The following GSDMC variants were observed in gnomAD, a reference collection of about 807,000 sequenced individuals.
GSDMC encodes the protein gasdermin-C.
In GSDMC, 59 loss-of-function variants were observed where a neutral mutation model predicts 58.0. The observed-to-expected ratio is 1.02, with a 90% CI of 0.82 to 1.26. The LOEUF (loss-of-function observed/expected upper bound fraction) is 1.26, where lower values mean the gene tolerates loss of function less well. GSDMC is among the 50% of genes most tolerant of loss of function. The probability of loss-of-function intolerance (pLI) is 0.00; values close to 1 mark genes in which losing one functional copy is unlikely to be tolerated. For synonymous variants in GSDMC, 241 were observed against 220.2 expected, an observed-to-expected ratio of 1.09 and a Z score of -0.83; for missense variants, 659 against 598.5, an observed-to-expected ratio of 1.10 and a Z score of -1.06.
chr8:129,751,604 AT>A, intron 9 of GSDMC, 36 bp from the exon 10 acceptor site: 1 of 1,601,984 alleles, frequency 6.2e-7, no homozygotes, highest in Non-Finnish European at 8.5e-7. Flanking sequence ...TCACTTCCTC[AT>A]CCCCCCAAAT....
At chr8:129,774,091 A>T (rs982690194) in intron 3 of GSDMC, among the ~76,000 whole-genome samples, 5 of 152,230 alleles carry the variant, frequency 3.3e-5, no homozygotes, top group African/African-American at 4.8e-5. Context: ...GACCCAGAAT[A>T]GCTAAAGCAA....
chr8:129,773,522 C>A (rs533016819), intron 3 of GSDMC, among the ~76,000 whole-genome samples: 77 of 152,270 alleles, frequency 5.1e-4, no homozygotes, highest in African/African-American at 1.7e-3. Context: ...TGGTGGCTCT[C>A]ACCTGTAATT....
At chr8:129,741,998 T>C in the GSDMC span, among the ~76,000 whole-genome samples, 2 of 150,432 alleles carry the variant, frequency 1.3e-5, no homozygotes, top group East Asian at 3.9e-4. Context: ...ACAACACAGA[T>C]GAATGTGGAG....
At chr8:129,709,590 T>TGATAGCTAGATA in the GSDMC span, among the ~76,000 whole-genome samples, 57 of 146,148 alleles carry the variant, frequency 3.9e-4, no homozygotes, top group Admixed American at 1.4e-3. Context: ...GATAGATAGA[T>TGATAGCTAGATA]GATAGATAGA....
chr8:129,734,310 G>A, the GSDMC span, among the ~76,000 whole-genome samples: 3 of 151,994 alleles, frequency 2.0e-5, no homozygotes, highest in African/African-American at 4.8e-5. Context: ...ACTGAAATTC[G>A]GGAAATACAG....
chr8:129,730,160 G>A, the GSDMC span: 2 of 1,048,264 alleles, frequency 1.9e-6, no homozygotes, highest in Non-Finnish European at 2.7e-6. Context: ...ATAAAGAGCT[G>A]GCTATGAAAA....
At chr8:129,716,460 CT>C in the GSDMC span, among the ~76,000 whole-genome samples, 1,475 of 152,240 alleles carry the variant, frequency 9.7e-3, 31 homozygotes, top group African/African-American at 0.033. Context: ...TTTTTGCACA[CT>C]GATTTTGTAT....
intron 3 of GSDMC, among the ~76,000 whole-genome samples, chr8:129,774,434 C>T (rs1391013928): frequency 6.6e-6 from 1 of 151,200 alleles, no homozygotes; most frequent in African/African-American, 2.4e-5. Context: ...GACCTGGAAC[C>T]TTAAAACATT....
intron 3 of GSDMC, among the ~76,000 whole-genome samples, chr8:129,767,528 CAGAG>C (rs370363593): frequency 0.19 from 29,490 of 151,698 alleles, 2,961 homozygotes; most frequent in African/African-American, 0.22. Flanking sequence ...TGCAACCACA[CAGAG>C]CTACACATGT....
At chr8:129,725,202 G>C in the GSDMC span, among the ~76,000 whole-genome samples, 1 of 152,162 alleles carries the variant, frequency 6.6e-6, no homozygotes, top group Admixed American at 6.5e-5. Flanking sequence ...GGCTAAATAA[G>C]TGTCCTCAAA....
chr8:129,717,993 C>A, the GSDMC span, among the ~76,000 whole-genome samples: 1 of 152,086 alleles, frequency 6.6e-6, no homozygotes, highest in Non-Finnish European at 1.5e-5. Context: ...AAACTGGACT[C>A]CTCCCTTACA....
the GSDMC span, among the ~76,000 whole-genome samples, chr8:129,717,572 A>G: frequency 6.6e-6 from 1 of 152,166 alleles, no homozygotes; most frequent in South Asian, 2.1e-4. Context: ...AAGAATTAAT[A>G]TCGTGAAAAT....
At chr8:129,744,720 C>T (rs751362740), downstream of GSDMC, among the ~76,000 whole-genome samples, 2 of 152,248 alleles carry the variant, frequency 1.3e-5, no homozygotes, top group African/African-American at 2.4e-5. Flanking sequence ...GGAAGGCACA[C>T]ACTAACCGTC....
chr8:129,711,218 C>A, the GSDMC span, among the ~76,000 whole-genome samples: 3 of 152,150 alleles, frequency 2.0e-5, no homozygotes, highest in South Asian at 6.2e-4. Context: ...CATGCGTGTA[C>A]AATCATGCCA....
At chr8:129,736,470 A>G in the GSDMC span, among the ~76,000 whole-genome samples, 164 of 152,360 alleles carry the variant, frequency 1.1e-3, 1 homozygote, top group African/African-American at 3.8e-3. Flanking sequence ...CTTGGGATGC[A>G]AGGCTGGTTC....
downstream of GSDMC, among the ~76,000 whole-genome samples, chr8:129,747,529 G>A (rs1302708376): frequency 6.6e-6 from 1 of 152,196 alleles, no homozygotes; most frequent in Non-Finnish European, 1.5e-5. Context: ...GAAAATGTCA[G>A]CCAAGGTGAT....
Position 129,751,850 on chromosome 8 carries a change from ACTC to A in GSDMC, c.916+9_916+11del. On this transcript the variant is annotated intron_variant, in intron 9 of 13. Transcript: ENST00000276708. ...GGATCCCCACCCCCACCTCCAGCAA[ACTC>A]ACACTCACCTACTGGGAGGATGTGA... is the stretch of plus-strand genomic sequence containing the variant. The A allele has an allele frequency of 6.2e-7, 1 of 1,609,106 alleles. No homozygotes were observed. The highest frequency in any genetic ancestry group is 8.5e-7 in the Non-Finnish European group (1 of 1,175,558).
chr8:129,725,311 G>T, the GSDMC span, among the ~76,000 whole-genome samples: 1 of 152,146 alleles, frequency 6.6e-6, no homozygotes, highest in African/African-American at 2.4e-5. Context: ...GGAACCTCAG[G>T]TAATGAACTG....
At chr8:129,725,300 T>A in the GSDMC span, among the ~76,000 whole-genome samples, 3 of 152,118 alleles carry the variant, frequency 2.0e-5, no homozygotes, top group East Asian at 3.9e-4. Context: ...TTATCCTCCC[T>A]GGAACCTCAG....
Sources: allele counts gnomAD v4.1 joint callset (sites outside exome capture counted in the v4.1 genomes callset), GRCh38; gene constraint gnomAD v4.1.1; transcripts MANE v1.5; gene names NCBI Gene and HGNC (gene_info 2026-07-23, HGNC 2026-07-21).